TNFRSF13B: variants seen among roughly 807,000 people sequenced by gnomAD.
The protein encoded by TNFRSF13B is TNF receptor superfamily member 13B.
In TNFRSF13B, 34 loss-of-function variants were observed where a neutral mutation model predicts 24.0. The ratio of observed to expected loss-of-function variants is 1.41; its 90% CI spans 1.08 to 1.88. The LOEUF is 1.88. TNFRSF13B is among the 40% of genes most tolerant of loss of function. TNFRSF13B has a pLI of 0.00. For missense variants in TNFRSF13B, 415 were observed against 380.8 expected (o/e 1.09, Z -0.75); for synonymous variants, 173 against 150.3 (o/e 1.15, Z -1.10).
In TNFRSF13B at chr17:16,948,814, A is replaced by C. The variant is rs1207025704; in HGVS notation, c.369T>G (p.Ser123Arg). Residue 123 changes from serine (S) to arginine (R), a missense_variant, in exon 3 of 5, where the codon AGT becomes AGG. Transcript: ENST00000261652. ...NLPPELRRQR[S>R]GEVENNSDNS... ...TGTCTGAATTGTTTTCAACTTCTCC[A>C]CTCCGCTGTCTCCTGAGCTCTGGTG... The C allele has an allele frequency of 1.2e-6, 2 of 1,613,708 alleles. No homozygotes were observed. The highest frequency in any genetic ancestry group is 3.3e-5 in the Admixed American group (2 of 59,978).
intron 1 of TNFRSF13B, among the ~76,000 whole-genome samples, chr17:16,970,633 G>A (rs1028232453): frequency 2.0e-5 from 3 of 152,172 alleles, no homozygotes; most frequent in African/African-American, 7.2e-5. Flanking sequence ...ATTTTACACT[G>A]AGGGGAAGCG....
chr17:16,952,710 G>A (rs2087598529), intron 1 of TNFRSF13B, 127 bp from the exon 2 acceptor site: 2 of 1,442,268 alleles, frequency 1.4e-6, no homozygotes, highest in African/African-American at 2.8e-5. Flanking sequence ...GAGGAGCAGA[G>A]AGGGCAGACA....
chr17:16,965,580 G>A (rs2087693395), intron 1 of TNFRSF13B, among the ~76,000 whole-genome samples: 1 of 152,180 alleles, frequency 6.6e-6, no homozygotes, highest in African/African-American at 2.4e-5. Flanking sequence ...ATAGACAGCT[G>A]GGCAGGGATC....
intron 1 of TNFRSF13B, among the ~76,000 whole-genome samples, chr17:16,970,619 C>G (rs542838962): frequency 1.8e-4 from 27 of 152,330 alleles, no homozygotes; most frequent in African/African-American, 6.5e-4. Context: ...AGACAGTCTT[C>G]TTCATTTTAC....
chr17:16,944,792 G>C (rs1324992488), intron 3 of TNFRSF13B, among the ~76,000 whole-genome samples: 3 of 152,202 alleles, frequency 2.0e-5, no homozygotes, highest in Non-Finnish European at 4.4e-5. Flanking sequence ...CTGGAGTCAG[G>C]GTGAGGTGGG....
At chr17:16,952,309 G>T in intron 2 of TNFRSF13B, 137 bp downstream of exon 2, 1 of 1,243,702 alleles carries the variant, frequency 8.0e-7, no homozygotes, top group East Asian at 2.5e-5. Flanking sequence ...GAAAGGTGGA[G>T]GGGTAAGAGG....
In TNFRSF13B at chr17:16,941,560, C is replaced by T. The variant is rs567835649; in HGVS notation, c.446-1049G>A. The T allele has an allele frequency of 1.2e-4, 115 of 987,638 alleles. No homozygotes were observed. In the African/African-American group the frequency reaches 1.8e-3, roughly 16 times the overall value. The allele number at this position is 987,638 out of a possible 1,614,324, so 61.2% of individuals were successfully genotyped here. A position where few individuals can be genotyped will look rare whatever the true frequency, so the allele number is the denominator to read the frequency against. ...CACTTCGTGCCGGGCACTTCCCCTA[C>T]AGCACCCCCTTCATCTTCCCGCTCT... is the stretch of plus-strand genomic sequence containing the variant. On this transcript the variant is annotated intron_variant, in intron 3 of 4. Coordinates refer to ENST00000261652, the MANE Select transcript of TNFRSF13B (RefSeq NM_012452.3).
chr17:16,968,138 T>A (rs2087718074), intron 1 of TNFRSF13B, among the ~76,000 whole-genome samples: 1 of 71,692 alleles, frequency 1.4e-5, no homozygotes, highest in South Asian at 5.3e-4. Context: ...CGAAACCCTG[T>A]CTCAAAAAAA....
At chr17:16,962,318 C>A (rs928908370) in intron 1 of TNFRSF13B, among the ~76,000 whole-genome samples, 4 of 152,036 alleles carry the variant, frequency 2.6e-5, no homozygotes, top group African/African-American at 9.7e-5. Context: ...ACCAGCCTGG[C>A]CAATATGGTG....
chr17:16,950,647 G>T (rs1312880769), intron 2 of TNFRSF13B, among the ~76,000 whole-genome samples: 3 of 152,118 alleles, frequency 2.0e-5, no homozygotes, highest in African/African-American at 4.8e-5. Flanking sequence ...GTGTCCTTGG[G>T]GCTTTCTGTG....
chr17:16,955,241 C>T (rs2087616719), intron 1 of TNFRSF13B, among the ~76,000 whole-genome samples: 1 of 152,194 alleles, frequency 6.6e-6, no homozygotes, highest in South Asian at 2.1e-4. Context: ...CTGCCTCTAG[C>T]AGGAAAGCAA....
chr17:16,962,451 G>A lies in TNFRSF13B; in HGVS notation c.61+9564C>T, dbSNP rs566989517. Among the ~76,000 whole-genome samples, 62 of 151,690 alleles carry A rather than the reference G, an allele frequency of 4.1e-4. No homozygotes were observed. In the East Asian group the frequency reaches 9.5e-3, roughly 23 times the overall value. On this transcript the variant is annotated intron_variant, in intron 1 of 4. Coordinates refer to ENST00000261652, the MANE Select transcript of TNFRSF13B (RefSeq NM_012452.3). The stretch of plus-strand genomic sequence containing the variant: ...GAAACCAGGAGACAGAGGTTGCAGC[G>A]AGCTAAGATTGTGCCACTGCACTCC...
In TNFRSF13B at chr17:16,952,514, A is replaced by C; in HGVS notation, c.131T>G (p.Leu44Arg). 6.2e-7 allele frequency: 1 copy of C among 1,614,236 alleles called. No individual in the cohort carries two copies. Among genetic ancestry groups the C allele is most frequent in the Non-Finnish European group, 8.5e-7 (1 of 1,180,034 alleles). Reference protein sequence around the residue: ...CPEEQYWDPLLGTCMSCKTIC... With the variant: ...CPEEQYWDPLRGTCMSCKTIC... ...GGTTTTGCAGGACATGCAGGTACCCAGCAGAGGATCCCAGTACTGCTCTTC... is the reference window on the plus strand; with the variant it reads ...GGTTTTGCAGGACATGCAGGTACCCCGCAGAGGATCCCAGTACTGCTCTTC... The change falls in exon 2 of 5, where the codon CTG becomes CGG. Residue 44 changes from leucine to arginine, a missense_variant. By Grantham distance (102) the Leu-to-Arg change is moderately radical (BLOSUM62 -2). Transcript: ENST00000261652.
chr17:16,955,472 A>G (rs962543322), intron 1 of TNFRSF13B, among the ~76,000 whole-genome samples: 1 of 152,272 alleles, frequency 6.6e-6, no homozygotes, highest in African/African-American at 2.4e-5. Flanking sequence ...CATCAGTAGA[A>G]GGGCTGGAAG....
In TNFRSF13B at chr17:16,948,725, T is replaced by C. The variant is rs2087566331; in HGVS notation, c.445+13A>G. On this transcript the variant is annotated intron_variant, in intron 3 of 4. Coordinates refer to ENST00000261652, the MANE Select transcript of TNFRSF13B (RefSeq NM_012452.3). ...CTGCGTGACACCATGCAGGTTTGCC[T>C]TGGGTGGCTTACCTGGACTTGCTTC... is the stretch of plus-strand genomic sequence containing the variant. 6.2e-7 allele frequency: 1 copy of C among 1,613,610 alleles called. No individual in the cohort carries two copies. The highest frequency in any genetic ancestry group is 8.5e-7 in the Non-Finnish European group (1 of 1,180,036).
chr17:16,959,214 C>G (rs531974062), intron 1 of TNFRSF13B, among the ~76,000 whole-genome samples: 6 of 152,020 alleles, frequency 3.9e-5, no homozygotes, highest in African/African-American at 1.2e-4. Flanking sequence ...AAACAACACG[C>G]TCTTCAACAA....
At chr17:16,944,196 C>T (rs2087531631) in intron 3 of TNFRSF13B, among the ~76,000 whole-genome samples, 1 of 152,218 alleles carries the variant, frequency 6.6e-6, no homozygotes, top group Non-Finnish European at 1.5e-5. Flanking sequence ...TTATCCCAGC[C>T]TCCAGCACAG....
chr17:16,942,726 C>G (rs984028312), intron 3 of TNFRSF13B, among the ~76,000 whole-genome samples: 1 of 152,188 alleles, frequency 6.6e-6, no homozygotes, highest in Non-Finnish European at 1.5e-5. Context: ...GGCGTTGATT[C>G]AAGGAGGAAA....
chr17:16,960,602 C>T (rs376132927), intron 1 of TNFRSF13B, among the ~76,000 whole-genome samples: 37 of 152,232 alleles, frequency 2.4e-4, no homozygotes, highest in African/African-American at 3.6e-4. Flanking sequence ...ATGCCACATA[C>T]AAAAATTAAC....
Sources: allele counts gnomAD v4.1 joint callset (sites outside exome capture counted in the v4.1 genomes callset), GRCh38; gene constraint gnomAD v4.1.1; transcripts MANE v1.5; gene names NCBI Gene and HGNC (gene_info 2026-07-23, HGNC 2026-07-21).